Variants in TVP23C observed in about 807,000 individuals in gnomAD.
The protein encoded by TVP23C is Golgi apparatus membrane protein TVP23 homolog C.
Under a neutral mutation model 28.7 loss-of-function variants are expected in TVP23C, and 19 were observed. That is an observed-to-expected ratio of 0.66 (90% CI 0.46 to 0.97). TVP23C has a LOEUF of 0.97. Among genes scored for constraint, TVP23C ranks in the 50% least tolerant of loss-of-function variants. The pLI, the probability that TVP23C is intolerant of heterozygous loss-of-function variation, is 0.00. For missense variants in TVP23C, 186 were observed against 241.3 expected (o/e 0.77, Z 1.52); for synonymous variants, 68 against 81.7 (o/e 0.83, Z 0.90).
chr17:15,505,054 C>T (rs1397060379), intron 5 of TVP23C, among the ~76,000 whole-genome samples: 1 of 152,160 alleles, frequency 6.6e-6, no homozygotes, highest in African/African-American at 2.4e-5. Context: ...ACTGATTACA[C>T]ATTCAACGCA....
At chr17:15,549,624 G>A (rs1383878595) in intron 3 of TVP23C, among the ~76,000 whole-genome samples, 4 of 151,420 alleles carry the variant, frequency 2.6e-5, no homozygotes, top group Admixed American at 1.3e-4. Flanking sequence ...AGGTTGCAGT[G>A]AGCCAAGATC....
At chr17:15,548,317 C>T (rs1983736377) in intron 3 of TVP23C, among the ~76,000 whole-genome samples, 1 of 152,156 alleles carries the variant, frequency 6.6e-6, no homozygotes, top group Non-Finnish European at 1.5e-5. Flanking sequence ...CAGGCATGCG[C>T]CATCATGCCC....
At chr17:15,560,312 C>T (rs188805516) in intron 1 of TVP23C, among the ~76,000 whole-genome samples, 1 of 149,154 alleles carries the variant, frequency 6.7e-6, no homozygotes, top group African/African-American at 2.4e-5. Context: ...GATCCACCCA[C>T]CCTGGCCTCC....
intron 3 of TVP23C, among the ~76,000 whole-genome samples, chr17:15,549,656 C>T (rs112172308): frequency 6.7e-6 from 1 of 150,140 alleles, no homozygotes; most frequent in African/African-American, 2.5e-5. Context: ...TTCCAGCTTG[C>T]GTGACAAAGC....
chr17:15,507,389 T>C (rs1393008693), intron 5 of TVP23C: 3 of 638,586 alleles, frequency 4.7e-6, no homozygotes, highest in Non-Finnish European at 8.6e-6. Flanking sequence ...CACTGGACCA[T>C]TCCTTCTGTA....
intron 3 of TVP23C, among the ~76,000 whole-genome samples, chr17:15,551,085 C>T (rs1478865372): frequency 1.3e-5 from 2 of 151,896 alleles, no homozygotes; most frequent in African/African-American, 2.4e-5. Context: ...AGAAGATACA[C>T]GACTGGTTTT....
chr17:15,508,245 A>G (rs1597502525), intron 5 of TVP23C, among the ~76,000 whole-genome samples: 1 of 152,006 alleles, frequency 6.6e-6, no homozygotes, highest in Non-Finnish European at 1.5e-5. Flanking sequence ...ACCCTGGTGT[A>G]CTCTGATTCT....
chr17:15,531,677 C>T (rs2654262), intron 5 of TVP23C, among the ~76,000 whole-genome samples: 39,331 of 151,792 alleles, frequency 0.26, 5,818 homozygotes, highest in African/African-American at 0.41. Context: ...TCTTTGTCCA[C>T]GGTTTACTTT....
intron 5 of TVP23C, among the ~76,000 whole-genome samples, chr17:15,521,195 C>T (rs964790533): frequency 6.6e-6 from 1 of 151,778 alleles, no homozygotes; most frequent in Non-Finnish European, 1.5e-5. Context: ...TGGTACTTAA[C>T]AAGTTGATTA....
At chr17:15,557,699 G>A (rs1410485892) in intron 1 of TVP23C, among the ~76,000 whole-genome samples, 9 of 140,048 alleles carry the variant, frequency 6.4e-5, no homozygotes, top group Admixed American at 6.0e-4. Flanking sequence ...CAAAGGAGAC[G>A]ATAATATACA....
At chr17:15,549,023 C>T (rs1221480852) in intron 3 of TVP23C, among the ~76,000 whole-genome samples, 2 of 152,150 alleles carry the variant, frequency 1.3e-5, no homozygotes, top group Admixed American at 6.5e-5. Context: ...GGAACTACTA[C>T]ACATATAACT....
At chr17:15,542,245 C>T (rs1299026870) in intron 5 of TVP23C, among the ~76,000 whole-genome samples, 1 of 152,160 alleles carries the variant, frequency 6.6e-6, no homozygotes, top group Non-Finnish European at 1.5e-5. Context: ...ACAGCAGAAA[C>T]TCCTCCCAAC....
At chr17:15,505,670 T>TC (rs1161728238) in intron 5 of TVP23C, among the ~76,000 whole-genome samples, 7 of 152,122 alleles carry the variant, frequency 4.6e-5, no homozygotes, top group Admixed American at 2.6e-4. Flanking sequence ...TGGAGCCCAC[T>TC]CCCTCAGCTT....
At chr17:15,515,467 C>G (rs1355089834) in intron 5 of TVP23C, among the ~76,000 whole-genome samples, 1 of 152,214 alleles carries the variant, frequency 6.6e-6, no homozygotes, top group Non-Finnish European at 1.5e-5. Flanking sequence ...CCTGCCTCCA[C>G]TCGGGAAACA....
rs1224012559 is a variant in TVP23C, at chr17:15,538,930, A to G, written c.*1482T>C. On this transcript the variant is annotated 3_prime_UTR_variant, in exon 6 of 6. Coordinates refer to ENST00000518321, the MANE Select transcript of TVP23C (RefSeq NM_001135036.2). ...CCCTACATGAATATTCATTTTCTCT[A>G]CTTTTCATCTTCTGTGAGAGAAACT... 1 of 985,852 alleles carries G rather than the reference A, an allele frequency of 1.0e-6. No individual in the cohort carries two copies. The highest frequency in any genetic ancestry group is 1.2e-6 in the Non-Finnish European group (1 of 829,924). The allele number at this position is 985,852 out of a possible 1,614,324, so 61.1% of individuals were successfully genotyped here.
chr17:15,507,311 G>A (rs1567629203), intron 5 of TVP23C: 12 of 762,118 alleles, frequency 1.6e-5, no homozygotes, highest in Non-Finnish European at 2.6e-5. Flanking sequence ...GGAATGGCAA[G>A]ACCAGCAAGA....
At chr17:15,531,235 CTT>C (rs1982939675) in intron 5 of TVP23C, 1 of 152,154 alleles carries the variant, frequency 6.6e-6, no homozygotes, top group African/African-American at 2.4e-5. Flanking sequence ...TAACGACTGT[CTT>C]TGTCTCTGGC....
chr17:15,547,961 G>A lies in TVP23C; in HGVS notation c.241-813C>T, dbSNP rs528498065. Among the ~76,000 whole-genome samples the A allele has an allele frequency of 3.3e-5, 5 of 152,132 alleles. No homozygotes were observed. The East Asian group carries it at 7.7e-4, about 24-fold the overall frequency. On this transcript the variant is annotated intron_variant, in intron 3 of 5. Coordinates refer to ENST00000518321, the MANE Select transcript of TVP23C (RefSeq NM_001135036.2). ...TAGATTCAGTGGTTCTGTGAACCTC[G>A]ATGGGTAAAAAAAAATGTTACCTTC...
chr17:15,538,874 G>A lies in TVP23C; in HGVS notation c.*1538C>T, dbSNP rs1983278050. 3.0e-6 allele frequency: 3 copies of A among 985,816 alleles called. No homozygotes were observed. Among genetic ancestry groups the A allele is most frequent in the Non-Finnish European group, 3.6e-6 (3 of 829,930 alleles). 61.1% of individuals were successfully genotyped at this position (985,816 alleles called of 1,614,324 possible). On this transcript the variant is annotated 3_prime_UTR_variant, in exon 6 of 6. Transcript: ENST00000518321. ...CACAGTAAAGGTATATTGGAGCCATGCAAAAATCCTTCAGAATGAGATGAT... is the reference window on the plus strand; with the variant it reads ...CACAGTAAAGGTATATTGGAGCCATACAAAAATCCTTCAGAATGAGATGAT...
Sources: allele counts gnomAD v4.1 joint callset (sites outside exome capture counted in the v4.1 genomes callset), GRCh38; gene constraint gnomAD v4.1.1; transcripts MANE v1.5; gene names NCBI Gene and HGNC (gene_info 2026-07-23, HGNC 2026-07-21).